The following R3HCC1L variants were observed in gnomAD, a reference collection of about 807,000 sequenced individuals.
R3HCC1L encodes R3H domain and coiled-coil containing 1 like, also known as coiled-coil domain-containing protein R3HCC1L.
In R3HCC1L, 51 loss-of-function variants were observed where a neutral mutation model predicts 59.9. That is an observed-to-expected ratio of 0.85 (90% CI 0.68 to 1.07). The LOEUF is 1.07. Among genes scored for constraint, R3HCC1L ranks in the 50% least tolerant of loss-of-function variants. The pLI, the probability that R3HCC1L is intolerant of heterozygous loss-of-function variation, is 0.00. For synonymous variants in R3HCC1L, 322 were observed against 315.2 expected (o/e 1.02, Z -0.23); for missense variants, 965 against 933.0 (o/e 1.03, Z -0.45).
chr10:98,156,058 T>C (rs997105572), intron 1 of R3HCC1L, 35 bp from the exon 2 acceptor site: 9 of 152,086 alleles, frequency 5.9e-5, no homozygotes, highest in Non-Finnish European at 1.3e-4. Context: ...TTGAATTTTT[T>C]TTTTTTTTTT....
At chr10:98,234,569 C>A in intron 7 of R3HCC1L, 53 bp downstream of exon 7, 1 of 1,522,072 alleles carries the variant, frequency 6.6e-7, no homozygotes, top group Non-Finnish European at 9.1e-7. Flanking sequence ...TTTTCTCATG[C>A]TACTTTTTCT....
Position 98,244,875 on chromosome 10 carries a change from TA to T in R3HCC1L, c.*720del, listed in dbSNP as rs2135811778. ...AATACCATGTTGTAAGAGGGAACAT[TA>T]AAGCCCATTTTATGACATATATCAC... On this transcript the variant is annotated 3_prime_UTR_variant, in exon 10 of 10. Coordinates refer to ENST00000298999, the MANE Select transcript of R3HCC1L (RefSeq NM_001351015.2). 2 of 152,366 alleles carry T rather than the reference TA, an allele frequency of 1.3e-5. No individual in the cohort carries two copies. Among genetic ancestry groups the T allele is most frequent in the Admixed American group, 1.3e-4 (2 of 15,306 alleles). The allele number at this position is 152,366 out of a possible 1,614,324, so 9.4% of individuals were successfully genotyped here.
chr10:98,157,559 T>G (rs7911317), intron 2 of R3HCC1L, among the ~76,000 whole-genome samples: 1 of 152,000 alleles, frequency 6.6e-6, no homozygotes, highest in Non-Finnish European at 1.5e-5. Flanking sequence ...CTGACTCTCA[T>G]GAGGATTTCT....
At chr10:98,227,630 G>A (rs1266466543) in intron 5 of R3HCC1L, among the ~76,000 whole-genome samples, 13 of 149,298 alleles carry the variant, frequency 8.7e-5, no homozygotes, top group Admixed American at 7.4e-4. Flanking sequence ...TGTGCACAAC[G>A]TGCAGGTTTG....
chr10:98,231,637 TC>T lies in R3HCC1L; in HGVS notation c.1915del (p.Gln639LysfsTer31). The T allele has an allele frequency of 4.3e-6, 7 of 1,612,712 alleles. No homozygotes were observed. Among genetic ancestry groups the T allele is most frequent in the South Asian group, 1.1e-5 (1 of 90,938 alleles). On this transcript the variant is annotated frameshift_variant, in exon 6 of 10. Transcript: ENST00000298999. LOFTEE classifies it high-confidence loss of function. ...CACATGTCATTGAAATTTATGACTT[TC>T]CCCAAGAATTTCATACTGAAGACCT... ...FPHVIEIYDF[P>X]QEFHTEDLLR...
chr10:98,142,979 CAG>C (rs931488463), intron 1 of R3HCC1L, among the ~76,000 whole-genome samples: 20 of 149,168 alleles, frequency 1.3e-4, no homozygotes, highest in African/African-American at 4.6e-4. Flanking sequence ...AAAAAAAAAA[CAG>C]AAGAAGAAGA....
At chr10:98,152,745 TCCGC>T (rs1846352674) in intron 1 of R3HCC1L, among the ~76,000 whole-genome samples, 1 of 137,462 alleles carries the variant, frequency 7.3e-6, no homozygotes, top group Admixed American at 7.4e-5. Flanking sequence ...GAGGAGCCCC[TCCGC>T]CTGGCAGCCG....
At chr10:98,135,488 GTATGTTTCGGGTATAAC>G (rs1844470207) in intron 1 of R3HCC1L, among the ~76,000 whole-genome samples, 1 of 152,194 alleles carries the variant, frequency 6.6e-6, no homozygotes, top group African/African-American at 2.4e-5. Flanking sequence ...GAACTCTAAA[GTATGTTTCGGGTATAAC>G]CTTGCCATCC....
intron 2 of R3HCC1L, among the ~76,000 whole-genome samples, chr10:98,158,266 C>T (rs1847075900): frequency 6.6e-6 from 1 of 152,094 alleles, no homozygotes; most frequent in Non-Finnish European, 1.5e-5. Flanking sequence ...CCCATTTTTT[C>T]CAACCATAAA....
In R3HCC1L at chr10:98,138,249, A is replaced by T. The variant is rs185375076; in HGVS notation, c.-268+3543A>T. ...TGGTATGCCTGTGCTATGTTTTGCCAGCTTCTTTCTTACCTTTAGTTATGA... is the reference window on the plus strand; with the variant it reads ...TGGTATGCCTGTGCTATGTTTTGCCTGCTTCTTTCTTACCTTTAGTTATGA... On this transcript the variant is annotated intron_variant, in intron 1 of 9. Transcript: ENST00000298999. Among the ~76,000 whole-genome samples the T allele has an allele frequency of 9.1e-4, 138 of 152,322 alleles. 1 individual carries two copies. The highest frequency in any genetic ancestry group is 3.2e-3 in the African/African-American group (131 of 41,570).
At chr10:98,199,305 C>A (rs1376886836) in intron 4 of R3HCC1L, among the ~76,000 whole-genome samples, 1 of 151,958 alleles carries the variant, frequency 6.6e-6, no homozygotes, top group Non-Finnish European at 1.5e-5. Flanking sequence ...TTCTTTTGTC[C>A]TCTCATCATT....
intron 4 of R3HCC1L, among the ~76,000 whole-genome samples, chr10:98,184,088 G>T (rs1002117950): frequency 6.6e-6 from 1 of 151,830 alleles, no homozygotes; most frequent in East Asian, 1.9e-4. Context: ...GGGGAGGAAT[G>T]TTGAGGGTTT....
intron 9 of R3HCC1L, among the ~76,000 whole-genome samples, chr10:98,241,767 A>C (rs1005683247): frequency 1.3e-5 from 2 of 152,176 alleles, no homozygotes; most frequent in African/African-American, 4.8e-5. Flanking sequence ...GTGCTGGTGA[A>C]GAATTAAGGA....
At chr10:98,184,569 C>A (rs1398523725) in intron 4 of R3HCC1L, among the ~76,000 whole-genome samples, 1 of 152,138 alleles carries the variant, frequency 6.6e-6, no homozygotes, top group Admixed American at 6.5e-5. Context: ...AATGAAATCA[C>A]CTGACAATGC....
At chr10:98,212,044 A>G (rs1031859869) in intron 5 of R3HCC1L, among the ~76,000 whole-genome samples, 3 of 152,066 alleles carry the variant, frequency 2.0e-5, no homozygotes, top group African/African-American at 7.3e-5. Context: ...GTTTGGAGGT[A>G]CTTGGAAAAG....
chr10:98,142,558 A>G (rs1845251809), intron 1 of R3HCC1L, among the ~76,000 whole-genome samples: 1 of 151,912 alleles, frequency 6.6e-6, no homozygotes, highest in Non-Finnish European at 1.5e-5. Context: ...GAATCACATG[A>G]GCCCAGGAGG....
Position 98,208,416 on chromosome 10 carries a change from C to T in R3HCC1L, c.302C>T (p.Thr101Ile). ...AGAATGGACACATGCCTTCAAAAAA[C>T]AAATAGAGTTTGTTCTAAGAGAGGA... Reference protein sequence around the residue: ...KLRMDTCLQKTNRVCSKRGTT... With the variant: ...KLRMDTCLQKINRVCSKRGTT... Residue 101 changes from threonine to isoleucine, a missense_variant, in exon 5 of 10, where the codon ACA (threonine) becomes ATA (isoleucine). Coordinates refer to ENST00000298999, the MANE Select transcript of R3HCC1L (RefSeq NM_001351015.2). 1 of 1,613,778 alleles carries T rather than the reference C, an allele frequency of 6.2e-7. No individual in the cohort carries two copies. Among genetic ancestry groups the T allele is most frequent in the Non-Finnish European group, 8.5e-7 (1 of 1,179,940 alleles).
At chr10:98,142,780 C>G (rs1301709279) in intron 1 of R3HCC1L, among the ~76,000 whole-genome samples, 1 of 151,968 alleles carries the variant, frequency 6.6e-6, no homozygotes, top group African/African-American at 2.4e-5. Flanking sequence ...ACTAAAAATA[C>G]AAAAATTAGC....
At chr10:98,211,222 G>A (rs1853528891) in intron 5 of R3HCC1L, 1 of 835,706 alleles carries the variant, frequency 1.2e-6, no homozygotes, top group Non-Finnish European at 1.9e-6. Context: ...ATGGTCCCTA[G>A]ACCAGCAGCA....
Sources: allele counts gnomAD v4.1 joint callset (sites outside exome capture counted in the v4.1 genomes callset), GRCh38; gene constraint gnomAD v4.1.1; transcripts MANE v1.5; gene names NCBI Gene and HGNC (gene_info 2026-07-23, HGNC 2026-07-21).